Variants in CELF2 observed in about 807,000 individuals in gnomAD.
CELF2 encodes CUG triplet repeat RNA-binding protein 2.
In CELF2, 8 loss-of-function variants were observed where a neutral mutation model predicts 62.6. The ratio of observed to expected loss-of-function variants is 0.13; its 90% confidence interval spans 0.07 to 0.23. The LOEUF (loss-of-function observed/expected upper bound fraction) is 0.23. Ranked by LOEUF, CELF2 falls within the 10% of genes least tolerant of loss-of-function variation. The pLI is 1.00. For missense variants in CELF2, 333 were observed against 671.0 expected (o/e 0.50, Z 5.56); for synonymous variants, 258 against 250.0 (o/e 1.03, Z -0.30).
At chr10:10,486,513 C>T in the CELF2 span, among the ~76,000 whole-genome samples, 3 of 152,014 alleles carry the variant, frequency 2.0e-5, no homozygotes, top group African/African-American at 2.4e-5. Flanking sequence ...TTGAGTATTC[C>T]GTATCTCAAA....
At chr10:11,081,315 G>C (rs2073974523) in intron 1 of CELF2, among the ~76,000 whole-genome samples, 1 of 152,154 alleles carries the variant, frequency 6.6e-6, no homozygotes, top group Admixed American at 6.5e-5. Context: ...GAAGAAAGAA[G>C]CCTTCAGGAG....
At chr10:10,774,492 G>C in the CELF2 span, among the ~76,000 whole-genome samples, 9 of 152,190 alleles carry the variant, frequency 5.9e-5, no homozygotes, top group African/African-American at 2.2e-4. Flanking sequence ...CCGTTCTCAT[G>C]ATAGAGTTCT....
intron 1 of CELF2, among the ~76,000 whole-genome samples, chr10:11,147,163 A>G (rs2062430895): frequency 6.6e-6 from 1 of 152,168 alleles, no homozygotes; most frequent in Non-Finnish European, 1.5e-5. Context: ...ATACACAGTG[A>G]AGGTGACTAT....
chr10:10,466,716 T>C, the CELF2 span, among the ~76,000 whole-genome samples: 1 of 152,142 alleles, frequency 6.6e-6, no homozygotes, highest in African/African-American at 2.4e-5. Flanking sequence ...ACATTTTGTG[T>C]ATTGCCAGTC....
At chr10:10,495,681 A>C in the CELF2 span, among the ~76,000 whole-genome samples, 1 of 152,154 alleles carries the variant, frequency 6.6e-6, no homozygotes, top group Non-Finnish European at 1.5e-5. Context: ...ATCCATCAGT[A>C]CTGCAATTAC....
chr10:11,127,035 A>C (rs1441059126), intron 1 of CELF2, among the ~76,000 whole-genome samples: 1 of 151,882 alleles, frequency 6.6e-6, no homozygotes, highest in Non-Finnish European at 1.5e-5. Context: ...TCCTAATGCT[A>C]TCTGTCTGCC....
At chr10:10,733,290 A>G in the CELF2 span, among the ~76,000 whole-genome samples, 1 of 152,160 alleles carries the variant, frequency 6.6e-6, no homozygotes, top group African/African-American at 2.4e-5. Context: ...CCATAATCAC[A>G]TTTTATGAAG....
At chr10:10,601,725 C>CG in the CELF2 span, among the ~76,000 whole-genome samples, 114 of 140,122 alleles carry the variant, frequency 8.1e-4, no homozygotes, top group East Asian at 0.015. Flanking sequence ...TGGGTTCATT[C>CG]TTTTTTTTTT....
chr10:11,019,172 A>G (rs1325884241), intron 1 of CELF2, among the ~76,000 whole-genome samples: 1 of 152,194 alleles, frequency 6.6e-6, no homozygotes, highest in Non-Finnish European at 1.5e-5. Context: ...ATCTATTTGT[A>G]TTTCAGGCAT....
chr10:10,589,290 C>G, the CELF2 span, among the ~76,000 whole-genome samples: 1 of 152,312 alleles, frequency 6.6e-6, no homozygotes, highest in East Asian at 1.9e-4. Context: ...AAGGTTCTAT[C>G]ATGCAGATGA....
At chr10:11,083,279 G>A (rs1037883138) in intron 1 of CELF2, among the ~76,000 whole-genome samples, 4 of 152,232 alleles carry the variant, frequency 2.6e-5, no homozygotes, top group East Asian at 1.9e-4. Flanking sequence ...TGGGGACTGT[G>A]CCAACTGGTG....
chr10:10,845,936 C>G (rs765590466), intron 1 of CELF2: 36 of 164,064 alleles, frequency 2.2e-4, no homozygotes, highest in Non-Finnish European at 3.2e-4. Context: ...TATTATGTAA[C>G]TATTTGGTTC....
chr10:10,963,634 T>C (rs1199644121), intron 2 of CELF2, among the ~76,000 whole-genome samples: 2 of 152,218 alleles, frequency 1.3e-5, no homozygotes, highest in African/African-American at 4.8e-5. Flanking sequence ...CCTGTATTTA[T>C]GGGTCCATCC....
chr10:11,021,708 A>G (rs912673063), intron 1 of CELF2, among the ~76,000 whole-genome samples: 3 of 152,236 alleles, frequency 2.0e-5, no homozygotes, highest in Non-Finnish European at 4.4e-5. Context: ...CCACATAGGC[A>G]GTAAATGGCA....
At chr10:11,078,775 T>C (rs779762998) in intron 1 of CELF2, among the ~76,000 whole-genome samples, 4 of 152,178 alleles carry the variant, frequency 2.6e-5, no homozygotes, top group Admixed American at 6.5e-5. Context: ...TACATATTCT[T>C]GACCTGTGCA....
chr10:11,204,214 A>G (rs2135385014), intron 2 of CELF2, among the ~76,000 whole-genome samples: 1 of 152,308 alleles, frequency 6.6e-6, no homozygotes, highest in South Asian at 2.1e-4. Context: ...TCTTTTCGGT[A>G]TTTTCTTTGT....
At chr10:11,139,413 G>A (rs923183688) in intron 1 of CELF2, among the ~76,000 whole-genome samples, 3 of 152,130 alleles carry the variant, frequency 2.0e-5, no homozygotes, top group African/African-American at 7.2e-5. Flanking sequence ...TAAAATTCAG[G>A]ATTATTTTTG....
chr10:10,872,950 C>G (rs1591416257), intron 1 of CELF2, among the ~76,000 whole-genome samples: 1 of 152,186 alleles, frequency 6.6e-6, no homozygotes, highest in Non-Finnish European at 1.5e-5. Flanking sequence ...TCTGGGTGAC[C>G]TTTCTTGGTG....
At chr10:10,714,615 C>T in the CELF2 span, among the ~76,000 whole-genome samples, 10 of 152,096 alleles carry the variant, frequency 6.6e-5, no homozygotes, top group Non-Finnish European at 1.5e-4. Flanking sequence ...TATGCCCCTA[C>T]GACATGTTGA....
Sources: allele counts gnomAD v4.1 joint callset (sites outside exome capture counted in the v4.1 genomes callset), GRCh38; gene constraint gnomAD v4.1.1; transcripts MANE v1.5; gene names NCBI Gene and HGNC (gene_info 2026-07-23, HGNC 2026-07-21).